GLI3: variants seen among roughly 807,000 people sequenced by gnomAD.
GLI3 encodes GLI family zinc finger 3.
GLI3 carries 20 observed loss-of-function variants against 100.8 expected under a neutral mutation model. The ratio of observed to expected loss-of-function variants is 0.20; its 90% CI spans 0.14 to 0.29. The LOEUF is 0.29. GLI3 is among the 10% of genes least tolerant of loss of function. The pLI is 1.00. For missense variants in GLI3, 2,040 were observed against 2,128.5 expected, an observed-to-expected ratio of 0.96 and a Z score of 0.82; for synonymous variants, 938 against 860.5, an observed-to-expected ratio of 1.09 and a Z score of -1.58.
chr7:41,975,896 T>C (rs182984970), intron 12 of GLI3, among the ~76,000 whole-genome samples: 35 of 152,336 alleles, frequency 2.3e-4, no homozygotes, highest in African/African-American at 7.7e-4. Context: ...ATGAAATATA[T>C]GAAATACATT....
At chr7:42,244,693 A>AAAC (rs1788955159) in intron 1 of GLI3, among the ~76,000 whole-genome samples, 1 of 152,068 alleles carries the variant, frequency 6.6e-6, no homozygotes, top group Non-Finnish European at 1.5e-5. Flanking sequence ...AGTCAGAATA[A>AAAC]AACACCTTTA....
At chr7:42,182,695 T>C (rs1787639167) in intron 2 of GLI3, among the ~76,000 whole-genome samples, 1 of 113,198 alleles carries the variant, frequency 8.8e-6, no homozygotes. Context: ...CATGTGTGTA[T>C]ATATATATAC....
chr7:42,042,372 T>C (rs1784162458), intron 6 of GLI3, among the ~76,000 whole-genome samples: 1 of 152,210 alleles, frequency 6.6e-6, no homozygotes, highest in Non-Finnish European at 1.5e-5. Flanking sequence ...ATCTGCCTTA[T>C]TAAACACAAC....
chr7:42,106,529 T>A (rs867344904), intron 3 of GLI3, among the ~76,000 whole-genome samples: 3 of 152,184 alleles, frequency 2.0e-5, no homozygotes, highest in African/African-American at 7.2e-5. Flanking sequence ...GTGGGCTCTG[T>A]ATTTGTTTTG....
chr7:42,258,102 T>A (rs62443841), intron 1 of GLI3, among the ~76,000 whole-genome samples: 3,998 of 152,342 alleles, frequency 0.026, 68 homozygotes, highest in South Asian at 0.041. Context: ...TATAACCCAA[T>A]CATAATGTGA....
intron 4 of GLI3, among the ~76,000 whole-genome samples, chr7:42,059,749 C>A (rs1784531459): frequency 6.6e-6 from 1 of 152,224 alleles, no homozygotes; most frequent in African/African-American, 2.4e-5. Context: ...AGTTTCCTAA[C>A]TGATCTGCAT....
Position 42,026,182 on chromosome 7 carries a change from C to T in GLI3, c.1242+17G>A, listed in dbSNP as rs927086967. On this transcript the variant is annotated intron_variant, in intron 8 of 14. Transcript: ENST00000395925. ...GGCTGACCAGCACGGCCGGGTGCAT[C>T]GACCTGTCCCTCTCACCTGTGAGGA... 4.4e-6 allele frequency: 7 copies of T among 1,592,146 alleles called. No individual in the cohort carries two copies. The highest frequency in any genetic ancestry group is 2.7e-5 in the African/African-American group (2 of 74,496).
chr7:42,123,797 G>A (rs1392934006), intron 3 of GLI3, among the ~76,000 whole-genome samples: 1 of 152,154 alleles, frequency 6.6e-6, no homozygotes, highest in Non-Finnish European at 1.5e-5. Context: ...TGAAGAAATT[G>A]AGATTGACAT....
At chr7:42,003,056 T>C (rs1380292153) in intron 10 of GLI3, among the ~76,000 whole-genome samples, 2 of 152,236 alleles carry the variant, frequency 1.3e-5, no homozygotes, top group Non-Finnish European at 2.9e-5. Context: ...ACTGTTTCAT[T>C]CACTGATGTA....
At chr7:42,147,353 G>A (rs1213526794) in intron 3 of GLI3, among the ~76,000 whole-genome samples, 4 of 152,284 alleles carry the variant, frequency 2.6e-5, no homozygotes, top group Non-Finnish European at 4.4e-5. Context: ...TGGAAAAGGG[G>A]AAACACAAAC....
At chr7:41,994,821 T>C (rs1788080124) in intron 10 of GLI3, among the ~76,000 whole-genome samples, 1 of 152,248 alleles carries the variant, frequency 6.6e-6, no homozygotes. Flanking sequence ...CGGTGTATAT[T>C]GCATAATCAT....
intron 1 of GLI3, among the ~76,000 whole-genome samples, chr7:42,263,696 C>T (rs1016964397): frequency 6.6e-6 from 1 of 152,136 alleles, no homozygotes; most frequent in African/African-American, 2.4e-5. Flanking sequence ...GATCTGCCTG[C>T]CTTGGTCTCC....
At chr7:42,128,027 AAAAAAG>A (rs71006457) in intron 3 of GLI3, among the ~76,000 whole-genome samples, 1 of 146,894 alleles carries the variant, frequency 6.8e-6, no homozygotes, top group South Asian at 2.1e-4. Context: ...TCAAAAAAAA[AAAAAAG>A]AAAAAGAAAA....
intron 2 of GLI3, among the ~76,000 whole-genome samples, chr7:42,195,060 C>A (rs892907741): frequency 7.2e-5 from 11 of 152,124 alleles, no homozygotes; most frequent in African/African-American, 2.7e-4. Context: ...AGCCACTGTG[C>A]CTGGCCTCTA....
chr7:42,092,588 A>G (rs1785247000), intron 3 of GLI3, among the ~76,000 whole-genome samples: 1 of 152,108 alleles, frequency 6.6e-6, no homozygotes, highest in African/African-American at 2.4e-5. Context: ...TCAGCTGCCC[A>G]TTGAGGTTTG....
chr7:42,223,884 C>T (rs1413755197), intron 1 of GLI3, among the ~76,000 whole-genome samples: 1 of 152,212 alleles, frequency 6.6e-6, no homozygotes, highest in Non-Finnish European at 1.5e-5. Flanking sequence ...TTCTGGTAAG[C>T]TATACTCTTT....
chr7:42,071,973 C>T lies in GLI3; in HGVS notation c.473+4779G>A, dbSNP rs565901861. Among the ~76,000 whole-genome samples the T allele has an allele frequency of 9.2e-5, 14 of 152,112 alleles. No homozygotes were observed. The East Asian group carries it at 2.7e-3, about 29-fold the overall frequency. ...GCAGCCTTGGAAGGAGACACATTGA[C>T]TCAACAAAGAAAAAAAAAGGGCTGA... On this transcript the variant is annotated intron_variant, in intron 4 of 14. Transcript: ENST00000395925.
At chr7:42,246,063 G>A (rs764049444) in intron 1 of GLI3, among the ~76,000 whole-genome samples, 4 of 152,116 alleles carry the variant, frequency 2.6e-5, no homozygotes, top group Non-Finnish European at 5.9e-5. Context: ...CTTGGACAGA[G>A]GCCCACTGCA....
chr7:42,000,263 A>G lies in GLI3; in HGVS notation c.1498-21515T>C, dbSNP rs112602622. Among the ~76,000 whole-genome samples, 11 of 152,376 alleles carry G rather than the reference A, an allele frequency of 7.2e-5. 1 individual carries two copies. Among genetic ancestry groups the G allele is most frequent in the African/African-American group, 2.4e-4 (10 of 41,596 alleles). On this transcript the variant is annotated intron_variant, in intron 10 of 14. Transcript: ENST00000395925. ...AGTGAGAATTAGGCAGATCCAGGAC[A>G]AAAGAAAGAGGAAGATTTTTCAATA...
Sources: gnomAD v4.1 joint callset for allele counts (sites outside exome capture counted in the v4.1 genomes callset) on GRCh38, gnomAD v4.1.1 for gene constraint, MANE v1.5 for transcripts, NCBI Gene and HGNC (gene_info 2026-07-23, HGNC 2026-07-21) for gene names.